Variants in TAB2 observed in about 807,000 individuals in gnomAD.
The protein encoded by TAB2 is TGF-beta-activated kinase 1 and MAP3K7-binding protein 2.
A neutral mutation model predicts 65.0 loss-of-function variants in TAB2; 3 were observed. That is an observed-to-expected ratio of 0.05 (90% CI 0.02 to 0.12). The LOEUF (loss-of-function observed/expected upper bound fraction) is 0.12. Ranked by LOEUF, TAB2 falls within the 10% of genes least tolerant of loss-of-function variation. The pLI, the probability that TAB2 is intolerant of heterozygous loss-of-function variation, is 1.00. For missense variants in TAB2, 623 were observed against 840.3 expected, an observed-to-expected ratio of 0.74 and a Z score of 3.20; for synonymous variants, 298 against 285.1, an observed-to-expected ratio of 1.05 and a Z score of -0.46.
chr6:149,348,365 G>C (rs1780370338), intron 1 of TAB2, among the ~76,000 whole-genome samples: 1 of 151,812 alleles, frequency 6.6e-6, no homozygotes, highest in African/African-American at 2.4e-5. Flanking sequence ...CTCCAACCTG[G>C]GTGACAGAAC....
At chr6:149,289,360 C>T (rs1415678861) in intron 1 of TAB2, among the ~76,000 whole-genome samples, 1 of 151,214 alleles carries the variant, frequency 6.6e-6, no homozygotes, top group Non-Finnish European at 1.5e-5. Context: ...TGCCACTGCA[C>T]TCTAGCCTGA....
intron 1 of TAB2, among the ~76,000 whole-genome samples, chr6:149,357,430 A>C (rs201294288): frequency 0.12 from 13,672 of 111,608 alleles, 1,622 homozygotes; most frequent in African/African-American, 0.28. Context: ...AGAAAAAAAA[A>C]ACACACACAC....
chr6:149,378,518 T>G lies in TAB2; in HGVS notation c.603T>G (p.Pro201=). The change falls in exon 3 of 7, where the codon CCT becomes CCG. Residue 201 remains proline (P), a synonymous_variant. Coordinates refer to ENST00000637181, the MANE Select transcript of TAB2 (RefSeq NM_001292034.3). ...TPTSLHIHGV[P]PPVLNSPQGN... The stretch of plus-strand genomic sequence containing the variant: ...CATCTTTGCACATACATGGTGTACC[T>G]CCACCTGTACTTAACAGTCCACAGG... The G allele has an allele frequency of 6.2e-7, 1 of 1,614,148 alleles. No individual in the cohort carries two copies.
At position 149,411,389 on chromosome 6, in the gene TAB2, A is replaced by G. The variant is rs1782858218; in HGVS notation, c.*1670A>G. ...ACAATCCTAGGTAATTAAACCATAG[A>G]CCCAAAGCCCTTACGTTTGATGCAA... On this transcript the variant is annotated 3_prime_UTR_variant, in exon 7 of 7. Coordinates refer to ENST00000637181, the MANE Select transcript of TAB2 (RefSeq NM_001292034.3). The G allele has an allele frequency of 6.6e-6, 1 of 152,584 alleles. No individual in the cohort carries two copies. The highest frequency in any genetic ancestry group is 1.5e-5 in the Non-Finnish European group (1 of 68,028). The allele number at this position is 152,584 out of a possible 1,614,324, so 9.5% of individuals were successfully genotyped here.
At chr6:149,263,760 C>T (rs1778203164) in intron 1 of TAB2, among the ~76,000 whole-genome samples, 1 of 152,190 alleles carries the variant, frequency 6.6e-6, no homozygotes, top group African/African-American at 2.4e-5. Context: ...AAAGGAATTG[C>T]TAAAGAATAT....
chr6:149,300,951 T>C (rs1778959553), intron 1 of TAB2, among the ~76,000 whole-genome samples: 1 of 152,190 alleles, frequency 6.6e-6, no homozygotes, highest in African/African-American at 2.4e-5. Flanking sequence ...TATATGCAAA[T>C]TGAAATTGCT....
At chr6:149,400,675 A>C (rs768974962) in intron 6 of TAB2, 1 of 1,613,638 alleles carries the variant, frequency 6.2e-7, no homozygotes, top group Non-Finnish European at 8.5e-7. Flanking sequence ...GGAGGTGTCT[A>C]CTGAAAAGGG....
rs1403810800 is a variant in TAB2, at chr6:149,397,838, C to G, written c.1764+74C>G. 1.9e-6 allele frequency: 3 copies of G among 1,589,490 alleles called. No homozygotes were observed. The African/African-American group carries it at 4.0e-5, about 21-fold the overall frequency. ...GCCATCTAACATAAGTGTAATATCT[C>G]TATCTAGTTTTCTTCAGATGTTCTT... On this transcript the variant is annotated intron_variant, in intron 4 of 6. Coordinates refer to ENST00000637181, the MANE Select transcript of TAB2 (RefSeq NM_001292034.3).
chr6:149,360,264 G>C (rs1780799206), intron 1 of TAB2, among the ~76,000 whole-genome samples: 2 of 152,124 alleles, frequency 1.3e-5, no homozygotes, highest in Non-Finnish European at 2.9e-5. Flanking sequence ...CCAAGACTGG[G>C]TAATTTAGAA....
At chr6:149,353,444 T>TA (rs1455927640) in intron 1 of TAB2, among the ~76,000 whole-genome samples, 1 of 152,242 alleles carries the variant, frequency 6.6e-6, no homozygotes, top group Non-Finnish European at 1.5e-5. Flanking sequence ...TAATCATTGT[T>TA]ACCAGTTTCT....
rs754451084 is a variant in TAB2 at position 149,378,027 on chromosome 6, A to G, written c.112A>G (p.Asn38Asp). 2 of 1,613,792 alleles carry G rather than the reference A, an allele frequency of 1.2e-6. No individual in the cohort carries two copies. The highest frequency in any genetic ancestry group is 2.2e-5 in the South Asian group (2 of 91,084). ...TATTTTGTTTTCATAGAATAATAATAACCTGGATGCCTGCTGTGCTGTTCT... is the reference window on the plus strand; with the variant it reads ...TATTTTGTTTTCATAGAATAATAATGACCTGGATGCCTGCTGTGCTGTTCT... Reference protein sequence around the residue: ...VSRCMLQNNNNLDACCAVLSQ... With the variant: ...VSRCMLQNNNDLDACCAVLSQ... Residue 38 changes from asparagine (N) to aspartate (D), a missense_variant, in exon 3 of 7, where the codon AAC (asparagine) becomes GAC (aspartate). Coordinates refer to ENST00000637181, the MANE Select transcript of TAB2 (RefSeq NM_001292034.3).
intron 5 of TAB2, 87 bp downstream of exon 5, chr6:149,398,149 T>C (rs1782239056): frequency 1.2e-5 from 13 of 1,093,076 alleles, no homozygotes; most frequent in Non-Finnish European, 1.1e-5. Context: ...TTATCAATCA[T>C]AATCTTACTG....
chr6:149,357,431 ACACACAC>A (rs1197173755), intron 1 of TAB2, among the ~76,000 whole-genome samples: 6 of 54,416 alleles, frequency 1.1e-4, no homozygotes, highest in East Asian at 8.1e-4. Context: ...GAAAAAAAAA[ACACACAC>A]ACACACACAC....
chr6:149,289,834 A>C (rs1446884189), intron 1 of TAB2, among the ~76,000 whole-genome samples: 1 of 152,218 alleles, frequency 6.6e-6, no homozygotes, highest in African/African-American at 2.4e-5. Context: ...CAATCAATGC[A>C]TGTAAGATGG....
At chr6:149,394,811 T>G (rs1196697058) in intron 3 of TAB2, among the ~76,000 whole-genome samples, 1 of 152,254 alleles carries the variant, frequency 6.6e-6, no homozygotes, top group African/African-American at 2.4e-5. Flanking sequence ...TTCAGAGTCC[T>G]TAATATGGTC....
intron 1 of TAB2, among the ~76,000 whole-genome samples, chr6:149,337,875 A>G: frequency 6.6e-6 from 1 of 152,106 alleles, no homozygotes; most frequent in Admixed American, 6.6e-5. Context: ...GCAGTTAGAG[A>G]TAGAGTAAAA....
At chr6:149,399,643 C>G (rs1782302167) in intron 6 of TAB2, among the ~76,000 whole-genome samples, 1 of 151,552 alleles carries the variant, frequency 6.6e-6, no homozygotes, top group African/African-American at 2.4e-5. Context: ...CATTGATATT[C>G]TCAGAATATA....
intron 1 of TAB2, among the ~76,000 whole-genome samples, chr6:149,275,914 G>C (rs537528373): frequency 1.3e-4 from 20 of 152,316 alleles, no homozygotes; most frequent in Middle Eastern, 6.8e-3. Context: ...TGCTAGCCTA[G>C]AGGAGATTAT....
intron 1 of TAB2, among the ~76,000 whole-genome samples, chr6:149,299,978 G>A (rs1175044305): frequency 6.6e-6 from 1 of 152,070 alleles, no homozygotes; most frequent in East Asian, 1.9e-4. Flanking sequence ...ACTGCACTCT[G>A]GGCAACAGAA....
Sources: allele counts gnomAD v4.1 joint callset (sites outside exome capture counted in the v4.1 genomes callset), GRCh38; gene constraint gnomAD v4.1.1; transcripts MANE v1.5; gene names NCBI Gene and HGNC (gene_info 2026-07-23, HGNC 2026-07-21).